Variants in ADAMTS3 observed in about 807,000 individuals in gnomAD.
The protein encoded by ADAMTS3 is ADAM metallopeptidase with thrombospondin type 1 motif 3, also known as A disintegrin and metalloproteinase with thrombospondin motifs 3.
A neutral mutation model predicts 129.0 loss-of-function variants in ADAMTS3; 73 were observed. The ratio of observed to expected loss-of-function variants is 0.57; its 90% confidence interval spans 0.47 to 0.69. The LOEUF is 0.69. ADAMTS3 is among the 30% of genes least tolerant of loss of function. ADAMTS3 has a pLI of 0.00. For missense variants in ADAMTS3, 1,457 were observed against 1,514.5 expected, an observed-to-expected ratio of 0.96 and a Z score of 0.63; for synonymous variants, 477 against 510.8, an observed-to-expected ratio of 0.93 and a Z score of 0.89.
intron 21 of ADAMTS3, among the ~76,000 whole-genome samples, chr4:72,285,395 T>C (rs1056772060): frequency 3.3e-5 from 5 of 152,202 alleles, no homozygotes; most frequent in African/African-American, 1.2e-4. Flanking sequence ...TGAAAACCTG[T>C]ATCTTAAAAT....
At chr4:72,307,429 CT>C (rs1560466194) in intron 15 of ADAMTS3, among the ~76,000 whole-genome samples, 1 of 152,046 alleles carries the variant, frequency 6.6e-6, no homozygotes, top group Admixed American at 6.6e-5. Context: ...ACGTTTTTAG[CT>C]TCTCTTGTTT....
chr4:72,371,181 T>C (rs1720995896), intron 4 of ADAMTS3, among the ~76,000 whole-genome samples: 1 of 152,164 alleles, frequency 6.6e-6, no homozygotes, highest in Non-Finnish European at 1.5e-5. Flanking sequence ...TTCAGACCTC[T>C]AGCCAACAGA....
chr4:72,319,150 G>A (rs1255024628), intron 9 of ADAMTS3, among the ~76,000 whole-genome samples, 182 bp downstream of exon 9: 6 of 152,094 alleles, frequency 3.9e-5, no homozygotes, highest in Admixed American at 1.3e-4. Context: ...CTAGACTTAT[G>A]GCTTCAAGTA....
At chr4:72,524,758 G>A (rs750020873) in intron 3 of ADAMTS3, among the ~76,000 whole-genome samples, 4 of 152,112 alleles carry the variant, frequency 2.6e-5, no homozygotes, top group African/African-American at 9.6e-5. Context: ...ACTGGCATAC[G>A]CTTCATGAGG....
chr4:72,325,586 T>G (rs1719678245), intron 5 of ADAMTS3, among the ~76,000 whole-genome samples: 1 of 152,140 alleles, frequency 6.6e-6, no homozygotes, highest in African/African-American at 2.4e-5. Context: ...AAATGCACTT[T>G]GTGTTAAAAT....
At chr4:72,452,353 C>T (rs540013424) in intron 3 of ADAMTS3, among the ~76,000 whole-genome samples, 2 of 151,264 alleles carry the variant, frequency 1.3e-5, no homozygotes, top group Non-Finnish European at 3.0e-5. Context: ...GTATACTAGT[C>T]AAAGAACATA....
At chr4:72,540,712 G>A (rs1298043077) in intron 3 of ADAMTS3, among the ~76,000 whole-genome samples, 1 of 152,178 alleles carries the variant, frequency 6.6e-6, no homozygotes, top group Non-Finnish European at 1.5e-5. Context: ...ATGACTAAAA[G>A]GGGCCAAGCA....
chr4:72,342,612 T>C (rs926654010), intron 4 of ADAMTS3, among the ~76,000 whole-genome samples: 2 of 152,106 alleles, frequency 1.3e-5, no homozygotes, highest in Admixed American at 6.6e-5. Context: ...ACCTCAGCGA[T>C]CTGCCTGCCT....
chr4:72,430,245 G>A (rs1051489950), intron 3 of ADAMTS3, among the ~76,000 whole-genome samples: 8 of 151,964 alleles, frequency 5.3e-5, no homozygotes, highest in Non-Finnish European at 1.0e-4. Context: ...ACTTGCAACT[G>A]AAAGAATGTG....
intron 4 of ADAMTS3, among the ~76,000 whole-genome samples, chr4:72,362,107 T>C (rs1205706508): frequency 6.6e-6 from 1 of 152,136 alleles, no homozygotes; most frequent in Non-Finnish European, 1.5e-5. Flanking sequence ...GATTTCTTGA[T>C]CATTGAAGCA....
At chr4:72,297,762 G>C (rs1718845567) in intron 18 of ADAMTS3, among the ~76,000 whole-genome samples, 1 of 152,116 alleles carries the variant, frequency 6.6e-6, no homozygotes, top group South Asian at 2.1e-4. Context: ...CTTTAACAGA[G>C]ATAACAACAG....
chr4:72,320,482 T>C (rs913881812), intron 7 of ADAMTS3, among the ~76,000 whole-genome samples: 2 of 152,162 alleles, frequency 1.3e-5, no homozygotes, highest in African/African-American at 4.8e-5. Context: ...ATGCCCCAAA[T>C]GCACAATCAC....
At chr4:72,545,598 T>C (rs1007485020) in intron 3 of ADAMTS3, among the ~76,000 whole-genome samples, 2 of 152,318 alleles carry the variant, frequency 1.3e-5, no homozygotes, top group Admixed American at 1.3e-4. Flanking sequence ...TAGCCTGGTG[T>C]AGGTACCTGG....
rs375349782 is a variant in ADAMTS3 at position 72,455,994 on chromosome 4, A to ATATG, written c.505-41024_505-41023insCATA. On this transcript the variant is annotated intron_variant, in intron 3 of 21. Transcript: ENST00000286657. Reference sequence around the variant, plus strand: ...TTTACATATAGTATATATACTATATATATTTTACATATAGTATATATACTA... The same window carrying ATATG: ...TTTACATATAGTATATATACTATATATATGTATTTTACATATAGTATATATACTA... Among the ~76,000 whole-genome samples, 155 of 19,752 alleles carry ATATG rather than the reference A, an allele frequency of 7.8e-3. 8 individuals carry two copies. Among genetic ancestry groups the ATATG allele is most frequent in the South Asian group, 0.031 (9 of 290 alleles). The allele number at this position is 19,752 out of a possible 152,430, so 13.0% of individuals were successfully genotyped here.
intron 3 of ADAMTS3, among the ~76,000 whole-genome samples, chr4:72,514,306 T>C (rs1720395010): frequency 1.3e-5 from 2 of 152,306 alleles, no homozygotes; most frequent in South Asian, 4.1e-4. Flanking sequence ...ATGTTTCCCA[T>C]GTATTGGTGA....
At chr4:72,482,287 A>G (rs1417181067) in intron 3 of ADAMTS3, among the ~76,000 whole-genome samples, 1 of 152,122 alleles carries the variant, frequency 6.6e-6, no homozygotes, top group East Asian at 1.9e-4. Flanking sequence ...TATTAAATAA[A>G]GTATGATACA....
intron 3 of ADAMTS3, among the ~76,000 whole-genome samples, chr4:72,435,396 T>C (rs1722796635): frequency 1.3e-5 from 2 of 151,886 alleles, no homozygotes; most frequent in South Asian, 2.1e-4. Flanking sequence ...CAACTGTATA[T>C]TGAAATGTTA....
intron 4 of ADAMTS3, among the ~76,000 whole-genome samples, chr4:72,395,974 G>A (rs1413949165): frequency 1.3e-5 from 2 of 152,148 alleles, no homozygotes; most frequent in African/African-American, 4.8e-5. Flanking sequence ...AAAAGTATTA[G>A]GCTCTGAACG....
intron 3 of ADAMTS3, among the ~76,000 whole-genome samples, chr4:72,520,672 G>A (rs192794581): frequency 5.3e-4 from 80 of 152,280 alleles, no homozygotes; most frequent in Non-Finnish European, 8.5e-4. Flanking sequence ...CTCCTGGTGC[G>A]CTGTTTCCTA....
Sources: allele counts gnomAD v4.1 joint callset (sites outside exome capture counted in the v4.1 genomes callset), GRCh38; gene constraint gnomAD v4.1.1; transcripts MANE v1.5; gene names NCBI Gene and HGNC (gene_info 2026-07-23, HGNC 2026-07-21).